The following ABI2 variants were observed in gnomAD, a reference collection of about 807,000 sequenced individuals.
The protein encoded by ABI2 is abelson interactor 2.
ABI2 carries 25 observed loss-of-function variants against 59.2 expected under a neutral mutation model. That is an observed-to-expected ratio of 0.42 (90% CI 0.31 to 0.59). The LOEUF is 0.59. Ranked by LOEUF, ABI2 falls within the 20% of genes least tolerant of loss-of-function variation. The pLI is 0.14. For missense variants in ABI2, 545 were observed against 681.8 expected (o/e 0.80, Z 2.23); for synonymous variants, 213 against 235.5 (o/e 0.90, Z 0.87).
Position 203,427,117 on chromosome 2 carries a change from TTCTG to T in ABI2, c.1454-56_1454-53del, listed in dbSNP as rs2098445145. 6 of 1,491,374 alleles carry T rather than the reference TTCTG, an allele frequency of 4.0e-6. No individual in the cohort carries two copies. The Admixed American group carries it at 7.0e-5, about 17-fold the overall frequency. The allele number at this position is 1,491,374 out of a possible 1,614,324, so 92.4% of individuals were successfully genotyped here. On this transcript the variant is annotated intron_variant, in intron 11 of 11. Coordinates refer to ENST00000261018, the MANE Select transcript of ABI2 (RefSeq NM_001375670.1). ...AACAGATAGCTATTCACTGGCTTGG[TTCTG>T]TCTTTCTAGGAATATTACTGTCTTT...
At chr2:203,371,049 A>C (rs537274671) in intron 2 of ABI2, among the ~76,000 whole-genome samples, 1 of 152,202 alleles carries the variant, frequency 6.6e-6, no homozygotes, top group Non-Finnish European at 1.5e-5. Context: ...CTTGTGTGAC[A>C]TTTGACTTCT....
intron 4 of ABI2, among the ~76,000 whole-genome samples, chr2:203,384,300 T>TTTTTTTTTTTTG (rs2096341078): frequency 9.8e-6 from 1 of 102,420 alleles, no homozygotes; most frequent in African/African-American, 3.6e-5. Context: ...GTTTTTTTTT[T>TTTTTTTTTTTTG]TTTTTTTTTT....
At chr2:203,411,493 C>A (rs762640856) in intron 10 of ABI2, 122 bp downstream of exon 10, 8 of 768,344 alleles carry the variant, frequency 1.0e-5, no homozygotes, top group Non-Finnish European at 1.7e-5. Flanking sequence ...ATGAACAAAT[C>A]ACTGTCTGGC....
chr2:203,378,181 C>T lies in ABI2; in HGVS notation c.286-2027C>T, dbSNP rs572700791. Among the ~76,000 whole-genome samples the T allele has an allele frequency of 4.0e-5, 6 of 151,092 alleles. No homozygotes were observed. The South Asian group carries it at 1.3e-3, about 32-fold the overall frequency. ...AGGCTGGAGTGCAGTGGCACAATCT[C>T]GGCTCATTGCAAGCTCTGCCTCCTG... On this transcript the variant is annotated intron_variant, in intron 2 of 11. Transcript: ENST00000261018.
intron 2 of ABI2, among the ~76,000 whole-genome samples, chr2:203,370,805 G>T (rs773086881): frequency 6.6e-6 from 1 of 152,118 alleles, no homozygotes; most frequent in Non-Finnish European, 1.5e-5. Context: ...CACATTTATT[G>T]GAATGGCAAT....
At chr2:203,419,444 C>T (rs1179903889) in intron 11 of ABI2, among the ~76,000 whole-genome samples, 2 of 151,536 alleles carry the variant, frequency 1.3e-5, no homozygotes, top group East Asian at 2.0e-4. Context: ...TCCTGGCTCA[C>T]TGCAAGCTCC....
At position 203,342,158 on chromosome 2, in the gene ABI2, T is replaced by A. The variant is rs891153334; in HGVS notation, c.117+13527T>A. 8.9e-6 allele frequency: 4 copies of A among 451,800 alleles called. No individual in the cohort carries two copies. The Admixed American group carries it at 9.5e-5, about 11-fold the overall frequency. The allele number at this position is 451,800 out of a possible 1,614,324, so 28.0% of individuals were successfully genotyped here. A position where few individuals can be genotyped will look rare whatever the true frequency, so the allele number is the denominator to read the frequency against. On this transcript the variant is annotated intron_variant, in intron 1 of 11. Coordinates refer to ENST00000261018, the MANE Select transcript of ABI2 (RefSeq NM_001375670.1). ...AACTTATGACTCACACCATTTATTT[T>A]ATTATATGTTTTTTTCCTTCCTGGT...
intron 8 of ABI2, among the ~76,000 whole-genome samples, chr2:203,401,113 C>T (rs1369780254): frequency 6.6e-6 from 1 of 151,910 alleles, no homozygotes; most frequent in Non-Finnish European, 1.5e-5. Flanking sequence ...CTACTCTCCC[C>T]TCTTCTCCAG....
intron 1 of ABI2, chr2:203,351,464 A>T: frequency 5.1e-6 from 2 of 394,356 alleles, no homozygotes. Context: ...ATCCATGAAC[A>T]TGGATGTCTT....
rs1159544827 is a variant in ABI2, at chr2:203,431,006, C to G, written c.*3654C>G. The G allele has an allele frequency of 6.6e-6, 1 of 152,178 alleles. No homozygotes were observed. Among genetic ancestry groups the G allele is most frequent in the African/African-American group, 2.4e-5 (1 of 41,430 alleles). The allele number at this position is 152,178 out of a possible 1,614,324, so 9.4% of individuals were successfully genotyped here. ...TTTCTCCTTTGTGGAGACAGCATGACATGTCCTGAAGGTCACCTTTGCCTT... is the reference window on the plus strand; with the variant it reads ...TTTCTCCTTTGTGGAGACAGCATGAGATGTCCTGAAGGTCACCTTTGCCTT... On this transcript the variant is annotated 3_prime_UTR_variant, in exon 12 of 12. Transcript: ENST00000261018.
chr2:203,381,566 C>T (rs2096130864), intron 3 of ABI2, among the ~76,000 whole-genome samples: 1 of 152,116 alleles, frequency 6.6e-6, no homozygotes, highest in Non-Finnish European at 1.5e-5. Flanking sequence ...CGTGCCTGCC[C>T]AATATTTAAT....
intron 10 of ABI2, 37 bp from the exon 11 acceptor site, chr2:203,416,871 A>G: frequency 6.4e-7 from 1 of 1,554,090 alleles, no homozygotes. Context: ...AACTTTGCAT[A>G]ACATATAGTT....
rs542407343 is a variant in ABI2 at position 203,430,064 on chromosome 2, A to G, written c.*2712A>G. ...TAATTTTTGTACAGTTTTGAATTCT[A>G]TAGATTGTCTTGGAAGGATACTGTG... is the stretch of plus-strand genomic sequence containing the variant. On this transcript the variant is annotated 3_prime_UTR_variant, in exon 12 of 12. Transcript: ENST00000261018. The G allele has an allele frequency of 6.6e-6, 1 of 152,188 alleles. No individual in the cohort carries two copies. The highest frequency in any genetic ancestry group is 2.1e-4 in the South Asian group (1 of 4,804). 9.4% of individuals were successfully genotyped at this position (152,188 alleles called of 1,614,324 possible). A position where few individuals can be genotyped will look rare whatever the true frequency, so the allele number is the denominator to read the frequency against.
Position 203,430,080 on chromosome 2 carries a change from G to A in ABI2, c.*2728G>A, listed in dbSNP as rs1433313293. On this transcript the variant is annotated 3_prime_UTR_variant, in exon 12 of 12. Transcript: ENST00000261018. ...TTGAATTCTATAGATTGTCTTGGAA[G>A]GATACTGTGTGATGGGTCAGGCACA... is the stretch of plus-strand genomic sequence containing the variant. The A allele has an allele frequency of 6.6e-6, 1 of 152,092 alleles. No homozygotes were observed. Among genetic ancestry groups the A allele is most frequent in the Non-Finnish European group, 1.5e-5 (1 of 68,024 alleles). The allele number at this position is 152,092 out of a possible 1,614,324, so 9.4% of individuals were successfully genotyped here.
intron 10 of ABI2, among the ~76,000 whole-genome samples, chr2:203,416,477 G>A (rs1370426084): frequency 6.6e-6 from 1 of 152,022 alleles, no homozygotes. Context: ...TGTATTTTTA[G>A]TAGAGGCAGG....
chr2:203,374,739 G>A (rs954782459), intron 2 of ABI2: 56 of 419,972 alleles, frequency 1.3e-4, no homozygotes, highest in Non-Finnish European at 1.8e-4. Context: ...TGAAACATTA[G>A]CTTACTAATA....
rs1462911245 is a variant in ABI2, at chr2:203,380,193, CATTAT to C, written c.286-11_286-7del. 1 of 1,506,420 alleles carries C rather than the reference CATTAT, an allele frequency of 6.6e-7. No homozygotes were observed. The highest frequency in any genetic ancestry group is 2.4e-5 in the East Asian group (1 of 42,142). 93.3% of individuals were successfully genotyped at this position (1,506,420 alleles called of 1,614,324 possible). ...CTATACATTTTTGTGTTGTTTTTTACATTATATTTTGCAGACAGTTGATATTCATA... is the reference window on the plus strand; with the variant it reads ...CTATACATTTTTGTGTTGTTTTTTACATTTTGCAGACAGTTGATATTCATA... On this transcript the variant is annotated splice_polypyrimidine_tract_variant and intron_variant, in intron 2 of 11. Transcript: ENST00000261018.
At position 203,361,078 on chromosome 2, in the gene ABI2, G is replaced by C. The variant is rs745743158; in HGVS notation, c.118-5799G>C. Among the ~76,000 whole-genome samples the C allele has an allele frequency of 8.2e-4, 125 of 152,298 alleles. 4 individuals carry two copies. Among genetic ancestry groups the C allele is most frequent in the Non-Finnish European group, 2.5e-4 (17 of 68,018 alleles). ...TGTAAAGCATGTTCTCTTGAAAGGAGATCTGAATATATGTGTCTGGCTGCC... is the reference window on the plus strand; with the variant it reads ...TGTAAAGCATGTTCTCTTGAAAGGACATCTGAATATATGTGTCTGGCTGCC... On this transcript the variant is annotated intron_variant, in intron 1 of 11. Coordinates refer to ENST00000261018, the MANE Select transcript of ABI2 (RefSeq NM_001375670.1).
At chr2:203,368,557 T>C (rs753868805) in intron 2 of ABI2, among the ~76,000 whole-genome samples, 1 of 152,150 alleles carries the variant, frequency 6.6e-6, no homozygotes, top group Non-Finnish European at 1.5e-5. Context: ...AAATCAGATA[T>C]GGTATTTTTG....
Sources: allele counts gnomAD v4.1 joint callset (sites outside exome capture counted in the v4.1 genomes callset), GRCh38; gene constraint gnomAD v4.1.1; transcripts MANE v1.5; gene names NCBI Gene and HGNC (gene_info 2026-07-23, HGNC 2026-07-21).